The following ADAMTSL1 variants were observed in gnomAD, a reference collection of about 807,000 sequenced individuals.
The protein encoded by ADAMTSL1 is ADAMTS like 1.
Under a neutral mutation model 201.8 loss-of-function variants are expected in ADAMTSL1, and 126 were observed. The ratio of observed to expected loss-of-function variants is 0.62; its 90% CI spans 0.54 to 0.72. The LOEUF is 0.72. Among genes scored for constraint, ADAMTSL1 ranks in the 30% least tolerant of loss-of-function variants. ADAMTSL1 has a pLI of 0.00. For missense variants in ADAMTSL1, 2,679 were observed against 2,277.8 expected, an observed-to-expected ratio of 1.18 and a Z score of -3.59; for synonymous variants, 1,121 against 903.4, an observed-to-expected ratio of 1.24 and a Z score of -4.32.
chr9:18,573,982 G>C (rs753959806), intron 3 of ADAMTSL1, 48 bp from the exon 4 acceptor site: 4 of 1,495,674 alleles, frequency 2.7e-6, no homozygotes, highest in Admixed American at 3.5e-5. Flanking sequence ...TTCATGTTTG[G>C]GGGTATCCTC....
At chr9:18,169,793 T>A (rs1300433507) in intron 2 of ADAMTSL1, among the ~76,000 whole-genome samples, 2 of 152,136 alleles carry the variant, frequency 1.3e-5, no homozygotes, top group Non-Finnish European at 2.9e-5. Context: ...TATCCTCTTC[T>A]ATTTCATTGA....
At chr9:18,183,603 A>G (rs1441496509) in intron 2 of ADAMTSL1, among the ~76,000 whole-genome samples, 1 of 152,210 alleles carries the variant, frequency 6.6e-6, no homozygotes, top group Non-Finnish European at 1.5e-5. Flanking sequence ...TTGGCAAATA[A>G]GCATATAAAA....
At chr9:18,567,554 A>C (rs1464902898) in intron 3 of ADAMTSL1, among the ~76,000 whole-genome samples, 1 of 152,174 alleles carries the variant, frequency 6.6e-6, no homozygotes, top group Non-Finnish European at 1.5e-5. Flanking sequence ...GGATAGCAGG[A>C]GGATCAGGGA....
chr9:18,726,599 C>T (rs577180297), intron 15 of ADAMTSL1, among the ~76,000 whole-genome samples: 3 of 151,568 alleles, frequency 2.0e-5, no homozygotes, highest in South Asian at 4.2e-4. Context: ...GAAAGTACTA[C>T]CTTTAAAAAA....
intron 2 of ADAMTSL1, among the ~76,000 whole-genome samples, chr9:18,179,318 T>G (rs1404590622): frequency 1.3e-5 from 2 of 151,172 alleles, no homozygotes; most frequent in Non-Finnish European, 3.0e-5. Context: ...AGAAGGGAAG[T>G]TTAGAGAAAA....
At chr9:18,160,513 G>T (rs1221259405) in intron 1 of ADAMTSL1, among the ~76,000 whole-genome samples, 1 of 151,940 alleles carries the variant, frequency 6.6e-6, no homozygotes, top group Non-Finnish European at 1.5e-5. Context: ...GATGCAAAGG[G>T]ATGCCAACTT....
intron 2 of ADAMTSL1, among the ~76,000 whole-genome samples, chr9:18,413,135 C>T (rs542559536): frequency 4.2e-4 from 57 of 134,536 alleles, no homozygotes; most frequent in African/African-American, 1.5e-3. Context: ...CCTGTAAGTT[C>T]TCTAAGGATA....
At chr9:18,888,766 T>C (rs1277168085) in intron 24 of ADAMTSL1, among the ~76,000 whole-genome samples, 1 of 151,854 alleles carries the variant, frequency 6.6e-6, no homozygotes, top group Non-Finnish European at 1.5e-5. Context: ...AGGGACAGAG[T>C]TTTGTGCCAA....
chr9:18,396,645 A>G (rs762893098), intron 2 of ADAMTSL1, among the ~76,000 whole-genome samples: 3 of 151,346 alleles, frequency 2.0e-5, no homozygotes, highest in Non-Finnish European at 4.4e-5. Context: ...TCCTGTGCAA[A>G]TAGAGTACCA....
intron 1 of ADAMTSL1, among the ~76,000 whole-genome samples, chr9:17,990,197 A>G (rs972220697): frequency 6.6e-6 from 1 of 152,052 alleles, no homozygotes; most frequent in Non-Finnish European, 1.5e-5. Flanking sequence ...CATGGCACAG[A>G]GATGTTATCT....
intron 1 of ADAMTSL1, among the ~76,000 whole-genome samples, chr9:18,062,835 T>C (rs1278151156): frequency 1.3e-5 from 2 of 152,242 alleles, no homozygotes; most frequent in African/African-American, 4.8e-5. Context: ...TTGGCTACTT[T>C]GATGAAATCT....
At chr9:18,654,388 C>T (rs980180488) in intron 7 of ADAMTSL1, among the ~76,000 whole-genome samples, 4 of 152,116 alleles carry the variant, frequency 2.6e-5, no homozygotes, top group African/African-American at 9.7e-5. Flanking sequence ...TTATCACAAA[C>T]AATAGTTAGA....
intron 1 of ADAMTSL1, among the ~76,000 whole-genome samples, chr9:17,933,415 C>A (rs1826877082): frequency 6.6e-6 from 1 of 152,094 alleles, no homozygotes. Flanking sequence ...GACCGTTTTT[C>A]CAGAGATAGG....
chr9:18,065,020 A>C (rs1433839328), intron 1 of ADAMTSL1, among the ~76,000 whole-genome samples: 1 of 144,648 alleles, frequency 6.9e-6, no homozygotes, highest in African/African-American at 2.6e-5. Context: ...GGAACAAGGA[A>C]AGGGTTGAAA....
chr9:18,293,928 A>G (rs569516827), intron 2 of ADAMTSL1, among the ~76,000 whole-genome samples: 2 of 152,330 alleles, frequency 1.3e-5, no homozygotes, highest in East Asian at 3.9e-4. Flanking sequence ...ATATATTACA[A>G]TAGCCATATT....
Position 18,588,886 on chromosome 9 carries a change from T to TATATATATATATATATAC in ADAMTSL1, c.474+14630_474+14647dup, listed in dbSNP as rs1169619324. On this transcript the variant is annotated intron_variant, in intron 4 of 28. Coordinates refer to ENST00000380548, the MANE Select transcript of ADAMTSL1 (RefSeq NM_001040272.6). ...TTTGTGCCATATATATACATATACA[T>TATATATATATATATATAC]ATATATATATATATATACATATATA... 6.4e-5 allele frequency among the ~76,000 whole-genome samples: 8 copies of TATATATATATATATATAC among 125,936 alleles called. 1 individual carries two copies. Among genetic ancestry groups the TATATATATATATATATAC allele is most frequent in the African/African-American group, 2.4e-4 (8 of 33,936 alleles). The allele number at this position is 125,936 out of a possible 152,430, so 82.6% of individuals were successfully genotyped here.
intron 1 of ADAMTSL1, among the ~76,000 whole-genome samples, chr9:18,127,194 C>A: frequency 6.6e-6 from 1 of 152,044 alleles, no homozygotes; most frequent in East Asian, 1.9e-4. Flanking sequence ...CCATTTAGAC[C>A]TGAAGAGAAG....
intron 4 of ADAMTSL1, among the ~76,000 whole-genome samples, chr9:18,579,198 A>T (rs1822931831): frequency 6.6e-6 from 1 of 150,618 alleles, no homozygotes; most frequent in Non-Finnish European, 1.5e-5. Context: ...CTTTGTAGGG[A>T]CATGGATGAA....
chr9:17,926,069 C>A (rs370853624), intron 1 of ADAMTSL1, among the ~76,000 whole-genome samples: 2 of 152,062 alleles, frequency 1.3e-5, no homozygotes, highest in African/African-American at 4.8e-5. Context: ...CCTGCAGATA[C>A]GCTCCACTGA....
Sources: gnomAD v4.1 joint callset for allele counts (sites outside exome capture counted in the v4.1 genomes callset) on GRCh38, gnomAD v4.1.1 for gene constraint, MANE v1.5 for transcripts, NCBI Gene and HGNC (gene_info 2026-07-23, HGNC 2026-07-21) for gene names.